The following ASH1L variants were observed in gnomAD, a reference collection of about 807,000 sequenced individuals.
The protein encoded by ASH1L is ASH1 like histone lysine methyltransferase.
Under a neutral mutation model 269.0 loss-of-function variants are expected in ASH1L, and 23 were observed. The ratio of observed to expected loss-of-function variants is 0.09; its 90% CI spans 0.06 to 0.12. The LOEUF (loss-of-function observed/expected upper bound fraction) is 0.12, where lower values mean the gene tolerates loss of function less well. Among genes scored for constraint, ASH1L ranks in the 10% least tolerant of loss-of-function variants. The probability of loss-of-function intolerance (pLI) is 1.00; values close to 1 mark genes in which losing one functional copy is unlikely to be tolerated. For synonymous variants in ASH1L, 1,187 were observed against 1,253.5 expected, an observed-to-expected ratio of 0.95 and a Z score of 1.12; for missense variants, 2,912 against 3,567.8, an observed-to-expected ratio of 0.82 and a Z score of 4.68.
chr1:155,550,048 T>C (rs1025771435), intron 1 of ASH1L, among the ~76,000 whole-genome samples: 1 of 150,872 alleles, frequency 6.6e-6, no homozygotes, highest in Non-Finnish European at 1.5e-5. Context: ...TGAGACAGAG[T>C]CTCGCTCTGT....
At chr1:155,452,878 C>T (rs1319326929) in intron 4 of ASH1L, among the ~76,000 whole-genome samples, 1 of 151,998 alleles carries the variant, frequency 6.6e-6, no homozygotes, top group African/African-American at 2.4e-5. Flanking sequence ...TTTATGGGGG[C>T]CTTCATAATT....
chr1:155,349,416 T>C lies in ASH1L; in HGVS notation c.7465A>G (p.Ile2489Val). 5.0e-6 allele frequency: 8 copies of C among 1,614,186 alleles called. No homozygotes were observed. The highest frequency in any genetic ancestry group is 6.8e-6 in the Non-Finnish European group (8 of 1,180,004). ...YEKISDPLDLITIEKQILTGY... is the reference protein window; with the variant it reads ...YEKISDPLDLVTIEKQILTGY... The stretch of plus-strand genomic sequence containing the variant: ...GTGAGGATCTGCTTCTCTATGGTGA[T>C]AAGATCTAGGGGATCAGAGATCTTC... The change falls in exon 19 of 28, where the codon ATC (isoleucine) becomes GTC (valine). Residue 2489 changes from isoleucine to valine, a missense_variant. By Grantham distance (29) the Ile-to-Val change is conservative. This residue lies in a region of ASH1L where 309 missense variants were observed against 435.1 expected (regional missense o/e 0.71). Coordinates refer to ENST00000392403, the MANE Select transcript of ASH1L (RefSeq NM_018489.3).
rs1464834131 is a variant in ASH1L, at chr1:155,528,079, A to T, written c.-99-6461T>A. 6.6e-5 allele frequency among the ~76,000 whole-genome samples: 10 copies of T among 152,210 alleles called. No individual in the cohort carries two copies. In the East Asian group the frequency reaches 1.9e-3, roughly 29 times the overall value. On this transcript the variant is annotated intron_variant, in intron 1 of 27. Transcript: ENST00000392403. ...TATCTTCAGATAGAGACTAGCTGAG[A>T]CCTCTTTCTGGAACTTCAGATTCAC...
chr1:155,420,169 A>C (rs1021332395), intron 5 of ASH1L, among the ~76,000 whole-genome samples: 1 of 151,758 alleles, frequency 6.6e-6, no homozygotes, highest in Non-Finnish European at 1.5e-5. Flanking sequence ...AATACAAAAT[A>C]CAAAAATTAG....
chr1:155,401,282 G>GC (rs1658825846), intron 6 of ASH1L, among the ~76,000 whole-genome samples: 1 of 151,964 alleles, frequency 6.6e-6, no homozygotes, highest in South Asian at 2.1e-4. Flanking sequence ...TTCAAAACCA[G>GC]CCTGGCCAAC....
intron 13 of ASH1L, among the ~76,000 whole-genome samples, chr1:155,358,409 A>G (rs1328679813): frequency 1.3e-5 from 2 of 152,090 alleles, no homozygotes; most frequent in East Asian, 1.9e-4. Flanking sequence ...TAAAAAGGCC[A>G]GGCATGGTGG....
At chr1:155,531,694 T>C (rs552587675) in intron 1 of ASH1L, among the ~76,000 whole-genome samples, 1 of 152,222 alleles carries the variant, frequency 6.6e-6, no homozygotes, top group East Asian at 1.9e-4. Context: ...TTCCCTAACA[T>C]GATCAAGGAG....
intron 2 of ASH1L, among the ~76,000 whole-genome samples, chr1:155,516,329 G>A (rs1257226695): frequency 6.6e-5 from 10 of 152,124 alleles, no homozygotes; most frequent in Non-Finnish European, 1.3e-4. Flanking sequence ...TAAACCTAGT[G>A]TTTCCCAAAT....
intron 12 of ASH1L, among the ~76,000 whole-genome samples, chr1:155,364,536 G>T (rs1655237275): frequency 6.6e-6 from 1 of 152,080 alleles, no homozygotes; most frequent in Non-Finnish European, 1.5e-5. Context: ...TTCCAATTTA[G>T]TTTAATATTT....
At chr1:155,453,135 ATC>A (rs1558122899) in intron 4 of ASH1L, among the ~76,000 whole-genome samples, 1 of 151,926 alleles carries the variant, frequency 6.6e-6, no homozygotes, top group Non-Finnish European at 1.5e-5. Context: ...CAGGCAGATC[ATC>A]TGTGGTTAGG....
At chr1:155,500,786 T>G (rs888939931) in intron 2 of ASH1L, among the ~76,000 whole-genome samples, 2 of 152,116 alleles carry the variant, frequency 1.3e-5, no homozygotes, top group Admixed American at 1.3e-4. Flanking sequence ...CTGGTCAACA[T>G]GGCGAAACCC....
At chr1:155,371,529 C>A (rs1655942503) in intron 10 of ASH1L, among the ~76,000 whole-genome samples, 1 of 152,044 alleles carries the variant, frequency 6.6e-6, no homozygotes, top group South Asian at 2.1e-4. Context: ...GCCTGGGCGA[C>A]AGAGTGAGAC....
chr1:155,480,484 T>C lies in ASH1L; in HGVS notation c.2386A>G (p.Ser796Gly). 6.2e-7 allele frequency: 1 copy of C among 1,614,068 alleles called. No homozygotes were observed. ...TAPSLALLAD[S>G]EKPSHKSFAT... ...AAAGACTTATGAGATGGTTTTTCAC[T>C]ATCAGCTAAGAGAGCAAGAGATGGA... is the stretch of plus-strand genomic sequence containing the variant. Residue 796 changes from serine (S) to glycine (G), a missense_variant, in exon 3 of 28, where the codon AGT (serine) becomes GGT (glycine). Ser to Gly is a moderately conservative substitution (Grantham distance 56, BLOSUM62 0). Coordinates refer to ENST00000392403, the MANE Select transcript of ASH1L (RefSeq NM_018489.3).
chr1:155,467,869 G>A (rs1014325666), intron 3 of ASH1L, among the ~76,000 whole-genome samples: 2 of 151,882 alleles, frequency 1.3e-5, no homozygotes, highest in South Asian at 2.1e-4. Context: ...CATTATTCTG[G>A]AATAAATTCA....
At chr1:155,446,411 G>T (rs1663030349) in intron 4 of ASH1L, among the ~76,000 whole-genome samples, 1 of 148,432 alleles carries the variant, frequency 6.7e-6, no homozygotes. Context: ...CAATTCTCAT[G>T]TCTCAGCCTC....
rs148134642 is a variant in ASH1L at position 155,480,410 on chromosome 1, C to T, written c.2460G>A (p.Leu820=). 19 of 1,614,032 alleles carry T rather than the reference C, an allele frequency of 1.2e-5. No homozygotes were observed. The highest frequency in any genetic ancestry group is 5.0e-5 in the Admixed American group (3 of 60,006). Residue 820 remains leucine, a synonymous_variant, in exon 3 of 28, where the codon TTG becomes TTA. Transcript: ENST00000392403. The stretch of plus-strand genomic sequence containing the variant: ...CTCTTTTGGGCTTATAAATATCAGA[C>T]AAAAGGTCACTAGAGACACACATAC... ...SSSMCVSSDL[L]SDIYKPKRGR...
intron 5 of ASH1L, among the ~76,000 whole-genome samples, chr1:155,417,579 T>C (rs545883229): frequency 6.6e-6 from 1 of 152,154 alleles, no homozygotes; most frequent in Non-Finnish European, 1.5e-5. Flanking sequence ...TAGAAAGACA[T>C]TGTTCAACAA....
chr1:155,442,439 C>A (rs775308399), intron 4 of ASH1L, among the ~76,000 whole-genome samples: 1 of 151,762 alleles, frequency 6.6e-6, no homozygotes, highest in East Asian at 1.9e-4. Flanking sequence ...AAAAATTAGC[C>A]GGGTGTGGTC....
rs1302086402 is a variant in ASH1L at position 155,338,202 on chromosome 1, T to C, written c.8690A>G (p.Glu2897Gly). Reference sequence around the variant, plus strand: ...GGTTGACTGGGGTTCTTGACTACTTTCCTCTGTTTTTTTTTCACCCTCACT... The same window carrying C: ...GGTTGACTGGGGTTCTTGACTACTTCCCTCTGTTTTTTTTTCACCCTCACT... ...NVSEGEKKTE[E>G]SSQEPQSTCT... is the part of the protein sequence containing the mutation. The change falls in exon 27 of 28, where the codon GAA (glutamate) becomes GGA (glycine). Residue 2897 changes from glutamate to glycine, a missense_variant. Physicochemically the swap from Glu to Gly is moderately conservative, Grantham distance 98. Around this residue, in one of 13 missense-constraint regions of ASH1L, gnomAD observed 154 missense variants for 165.0 expected, o/e 0.93. Transcript: ENST00000392403. The C allele has an allele frequency of 1.2e-6, 2 of 1,614,080 alleles. No individual in the cohort carries two copies. The highest frequency in any genetic ancestry group is 1.7e-6 in the Non-Finnish European group (2 of 1,179,994).
Sources: gnomAD v4.1 joint callset for allele counts (sites outside exome capture counted in the v4.1 genomes callset) on GRCh38, gnomAD v4.1.1 for gene constraint, gnomAD v4.1.1 regional missense constraint, MANE v1.5 for transcripts, NCBI Gene and HGNC (gene_info 2026-07-23, HGNC 2026-07-21) for gene names.